TBXAS1: variants seen among roughly 807,000 people sequenced by gnomAD.
The protein encoded by TBXAS1 is thromboxane A synthase 1.
In TBXAS1, 48 loss-of-function variants were observed where a neutral mutation model predicts 60.7. That is an observed-to-expected ratio of 0.79 (90% CI 0.63 to 1.01). TBXAS1 has a LOEUF of 1.01. TBXAS1 is among the 50% of genes least tolerant of loss of function. TBXAS1 has a pLI of 0.00. For synonymous variants in TBXAS1, 287 were observed against 269.7 expected, an observed-to-expected ratio of 1.06 and a Z score of -0.63; for missense variants, 685 against 686.3, an observed-to-expected ratio of 1.00 and a Z score of 0.02.
chr7:139,960,329 A>G (rs908494040), intron 8 of TBXAS1, among the ~76,000 whole-genome samples: 29 of 152,212 alleles, frequency 1.9e-4, no homozygotes, highest in African/African-American at 7.0e-4. Flanking sequence ...CACGCACTGC[A>G]TTACATTTTT....
intron 10 of TBXAS1, 121 bp from the exon 11 acceptor site, chr7:140,015,602 C>A: frequency 8.3e-7 from 1 of 1,205,430 alleles, no homozygotes; most frequent in African/African-American, 1.5e-5. Flanking sequence ...CAGCCTCATT[C>A]CACACACCAT....
intron 9 of TBXAS1, among the ~76,000 whole-genome samples, chr7:139,974,342 C>T (rs1005587765): frequency 2.0e-5 from 3 of 152,206 alleles, no homozygotes; most frequent in South Asian, 2.1e-4. Flanking sequence ...CTGGGACACT[C>T]GGCTGGCACC....
intron 4 of TBXAS1, among the ~76,000 whole-genome samples, chr7:139,923,420 T>TTA (rs1231321224): frequency 1.3e-5 from 2 of 152,026 alleles, no homozygotes; most frequent in African/African-American, 2.4e-5. Flanking sequence ...ATATATCTGT[T>TTA]TACAGGAATC....
upstream of TBXAS1, among the ~76,000 whole-genome samples, chr7:139,828,780 A>G (rs895834649): frequency 1.3e-5 from 2 of 152,140 alleles, no homozygotes; most frequent in African/African-American, 4.8e-5. Context: ...CTTTGCTCCA[A>G]CAGCCAGACA....
chr7:139,866,544 A>C (rs1431474680), intron 1 of TBXAS1, among the ~76,000 whole-genome samples: 1 of 151,158 alleles, frequency 6.6e-6, no homozygotes, highest in African/African-American at 2.4e-5. Context: ...GCTTGAGCCC[A>C]GGAGTTTGAG....
At chr7:139,860,200 G>A (rs991431916) in intron 1 of TBXAS1, among the ~76,000 whole-genome samples, 2 of 152,150 alleles carry the variant, frequency 1.3e-5, no homozygotes, top group African/African-American at 2.4e-5. Context: ...GGCTACCAAA[G>A]CCTGGTTCAG....
intron 9 of TBXAS1, among the ~76,000 whole-genome samples, chr7:139,988,061 C>A (rs995370382): frequency 6.6e-6 from 1 of 152,266 alleles, no homozygotes; most frequent in African/African-American, 2.4e-5. Flanking sequence ...ACATTGCAGT[C>A]CAGCCCAAAG....
At chr7:139,841,962 A>T (rs984013553) in intron 1 of TBXAS1, among the ~76,000 whole-genome samples, 3 of 152,104 alleles carry the variant, frequency 2.0e-5, no homozygotes, top group African/African-American at 2.4e-5. Flanking sequence ...GATTTTTTTT[A>T]AAAAACAGTC....
chr7:139,966,717 G>A (rs2117412354), intron 9 of TBXAS1, among the ~76,000 whole-genome samples: 1 of 152,296 alleles, frequency 6.6e-6, no homozygotes, highest in Non-Finnish European at 1.5e-5. Flanking sequence ...GGTCATTTTG[G>A]GGGGCATTAA....
At chr7:139,998,009 G>T (rs7789470) in intron 9 of TBXAS1, among the ~76,000 whole-genome samples, 2 of 152,010 alleles carry the variant, frequency 1.3e-5, no homozygotes, top group Non-Finnish European at 2.9e-5. Context: ...TGGATAAATC[G>T]GGGCAGCTCA....
At chr7:139,844,339 T>C (rs1799664976) in intron 1 of TBXAS1, among the ~76,000 whole-genome samples, 1 of 152,202 alleles carries the variant, frequency 6.6e-6, no homozygotes, top group South Asian at 2.1e-4. Context: ...TACCATCCAC[T>C]GTTGATGTGA....
At chr7:139,867,782 A>G (rs1801528790) in intron 1 of TBXAS1, among the ~76,000 whole-genome samples, 1 of 152,064 alleles carries the variant, frequency 6.6e-6, no homozygotes, top group Admixed American at 6.6e-5. Flanking sequence ...GTGCCACTGC[A>G]CTCCAGCCTG....
chr7:139,936,305 G>A lies in TBXAS1; in HGVS notation c.448G>A (p.Glu150Lys), dbSNP rs769738510. 104 of 1,613,880 alleles carry A rather than the reference G, an allele frequency of 6.4e-5. No individual in the cohort carries two copies. The highest frequency in any genetic ancestry group is 1.6e-4 in the Middle Eastern group (1 of 6,084). ...TGCTTTCAGTCCTGAAAAGCTGAAC[G>A]AGGTAAGACATGAGAAATGCAAACT... ...MSAFSPEKLN[E>K]MVPLISQACD... is the part of the protein sequence containing the mutation. The change falls in exon 5 of 13, where the codon GAG becomes AAG. Residue 150 changes from glutamate (E) to lysine (K), a missense_variant and splice_region_variant. Glu to Lys is a moderately conservative substitution (Grantham distance 56, BLOSUM62 1). Coordinates refer to ENST00000448866, the MANE Select transcript of TBXAS1 (RefSeq NM_001061.7).
intron 9 of TBXAS1, among the ~76,000 whole-genome samples, chr7:139,969,097 T>G (rs1275741647): frequency 6.6e-6 from 1 of 152,246 alleles, no homozygotes; most frequent in Non-Finnish European, 1.5e-5. Context: ...AGCCAAAATT[T>G]ATGACCCATT....
chr7:139,853,621 A>T (rs1800377753), intron 1 of TBXAS1, among the ~76,000 whole-genome samples: 2 of 151,284 alleles, frequency 1.3e-5, no homozygotes, highest in Admixed American at 6.6e-5. Context: ...ATTACGCAGG[A>T]TCCAGAGGCA....
intron 4 of TBXAS1, among the ~76,000 whole-genome samples, chr7:139,917,381 T>C (rs1001697320): frequency 1.3e-5 from 2 of 152,212 alleles, no homozygotes; most frequent in Admixed American, 6.5e-5. Flanking sequence ...CCCAGTGGTA[T>C]GGCGAAAGGT....
chr7:140,005,605 C>T (rs1446316829), intron 9 of TBXAS1, among the ~76,000 whole-genome samples: 1 of 152,072 alleles, frequency 6.6e-6, no homozygotes, highest in Non-Finnish European at 1.5e-5. Flanking sequence ...AAGTTAGAAC[C>T]GTTCCCAGAA....
At position 139,800,028 on chromosome 7, in the gene TBXAS1, C is replaced by T. The variant is rs535265733; in HGVS notation, c.-80+12602C>T. The stretch of plus-strand genomic sequence containing the variant: ...TCTTCCCTCACTTCCTTAAACAACC[C>T]GTCGGCAAGTCCCACAGACTGGATC... On this transcript the variant is annotated intron_variant, in intron 4 of 16. Transcript: ENST00000336425. 1.4e-3 allele frequency among the ~76,000 whole-genome samples: 212 copies of T among 152,240 alleles called. No individual in the cohort carries two copies. In the Middle Eastern group the frequency reaches 0.027, roughly 20 times the overall value.
At chr7:139,962,403 A>G in intron 9 of TBXAS1, 170 bp downstream of exon 9, 1 of 789,992 alleles carries the variant, frequency 1.3e-6, no homozygotes, top group Non-Finnish European at 2.0e-6. Flanking sequence ...AGCAAGCGAA[A>G]TGAAATGTTG....
Sources: gnomAD v4.1 joint callset for allele counts (sites outside exome capture counted in the v4.1 genomes callset) on GRCh38, gnomAD v4.1.1 for gene constraint, MANE v1.5 for transcripts, NCBI Gene and HGNC (gene_info 2026-07-23, HGNC 2026-07-21) for gene names.